Variants in FAM107B observed in about 807,000 individuals in gnomAD.
FAM107B encodes protein FAM107B.
Under a neutral mutation model 31.5 loss-of-function variants are expected in FAM107B, and 21 were observed. The ratio of observed to expected loss-of-function variants is 0.67; its 90% CI spans 0.47 to 0.96. The LOEUF is 0.96. Ranked by LOEUF, FAM107B falls within the 40% of genes least tolerant of loss-of-function variation. The pLI is 0.00. For missense variants in FAM107B, 452 were observed against 377.1 expected (o/e 1.20, Z -1.64); for synonymous variants, 157 against 141.5 (o/e 1.11, Z -0.78).
At chr10:14,655,007 T>C (rs1289130711) in intron 2 of FAM107B, among the ~76,000 whole-genome samples, 1 of 152,182 alleles carries the variant, frequency 6.6e-6, no homozygotes, top group Non-Finnish European at 1.5e-5. Flanking sequence ...GGAAAGAGGT[T>C]GATTTGACTC....
intron 1 of FAM107B, among the ~76,000 whole-genome samples, chr10:14,697,984 G>T (rs1301022351): frequency 6.6e-6 from 1 of 152,110 alleles, no homozygotes; most frequent in Non-Finnish European, 1.5e-5. Context: ...AATTAGCTGG[G>T]CTAGGTGGCA....
intron 1 of FAM107B, among the ~76,000 whole-genome samples, chr10:14,671,872 T>TAAAAAAAA (rs1294969542): frequency 1.2e-4 from 4 of 33,572 alleles, no homozygotes; most frequent in African/African-American, 2.7e-4. Flanking sequence ...CCCTTTTATT[T>TAAAAAAAA]AAAAAAAAAA....
At chr10:14,741,430 C>T (rs1856434393) in intron 1 of FAM107B, among the ~76,000 whole-genome samples, 1 of 152,130 alleles carries the variant, frequency 6.6e-6, no homozygotes, top group Non-Finnish European at 1.5e-5. Context: ...GAGAGAGCAT[C>T]CACTAAGGTC....
intron 1 of FAM107B, among the ~76,000 whole-genome samples, chr10:14,744,497 C>G (rs1208522609): frequency 1.3e-5 from 2 of 152,074 alleles, no homozygotes; most frequent in East Asian, 1.9e-4. Flanking sequence ...ATAAATGGCT[C>G]TTAGTGTTTT....
intron 2 of FAM107B, among the ~76,000 whole-genome samples, chr10:14,609,782 C>A (rs1386041125): frequency 6.6e-6 from 1 of 152,160 alleles, no homozygotes; most frequent in Non-Finnish European, 1.5e-5. Context: ...TGGAGGCTAT[C>A]TTAGAATTCT....
At chr10:14,772,598 A>G (rs533360928) in intron 1 of FAM107B, among the ~76,000 whole-genome samples, 51 of 152,090 alleles carry the variant, frequency 3.4e-4, no homozygotes, top group Middle Eastern at 3.4e-3. Flanking sequence ...TTTGGACCGC[A>G]CAGTCAACTG....
chr10:14,764,413 TG>T (rs1395842704), intron 1 of FAM107B, among the ~76,000 whole-genome samples: 1 of 152,172 alleles, frequency 6.6e-6, no homozygotes, highest in Admixed American at 6.5e-5. Context: ...TCCACTTAAC[TG>T]AACACGAAAC....
At chr10:14,662,262 C>T (rs1472446864) in intron 2 of FAM107B, among the ~76,000 whole-genome samples, 1 of 152,112 alleles carries the variant, frequency 6.6e-6, no homozygotes, top group African/African-American at 2.4e-5. Context: ...CGAACGGAGT[C>T]TTCATTGACT....
At chr10:14,677,716 T>C (rs1467525210) in intron 1 of FAM107B, among the ~76,000 whole-genome samples, 1 of 151,896 alleles carries the variant, frequency 6.6e-6, no homozygotes, top group African/African-American at 2.4e-5. Flanking sequence ...TGACTAACCA[T>C]CTTAACTTGC....
intron 1 of FAM107B, among the ~76,000 whole-genome samples, chr10:14,727,409 T>C (rs1318630017): frequency 2.6e-5 from 4 of 152,212 alleles, no homozygotes; most frequent in African/African-American, 9.7e-5. Context: ...ACCATTACAA[T>C]GTGTTCCAGC....
intron 2 of FAM107B, among the ~76,000 whole-genome samples, chr10:14,547,997 TTC>T (rs1470063993): frequency 2.0e-5 from 3 of 152,202 alleles, no homozygotes; most frequent in African/African-American, 7.2e-5. Context: ...GTTTTCCCAC[TTC>T]CCTCTCTTCA....
At chr10:14,550,186 T>C (rs1849125803) in intron 2 of FAM107B, among the ~76,000 whole-genome samples, 1 of 152,210 alleles carries the variant, frequency 6.6e-6, no homozygotes, top group Non-Finnish European at 1.5e-5. Flanking sequence ...AACAGGATGC[T>C]TTTAAGGATC....
intron 1 of FAM107B, among the ~76,000 whole-genome samples, chr10:14,728,727 T>C (rs1314565156): frequency 6.6e-6 from 1 of 152,190 alleles, no homozygotes; most frequent in African/African-American, 2.4e-5. Context: ...ACTACATACA[T>C]TGACCTCCAG....
chr10:14,707,137 AAAC>A (rs1291047088), intron 1 of FAM107B, among the ~76,000 whole-genome samples: 7 of 152,076 alleles, frequency 4.6e-5, no homozygotes, highest in African/African-American at 1.4e-4. Context: ...GAAAAAAACA[AAAC>A]AACAACAACA....
At chr10:14,630,024 T>C (rs996831217) in intron 2 of FAM107B, among the ~76,000 whole-genome samples, 1 of 152,192 alleles carries the variant, frequency 6.6e-6, no homozygotes, top group African/African-American at 2.4e-5. Context: ...GAACAATATT[T>C]ATCACGTGAA....
chr10:14,604,115 C>G, intron 2 of FAM107B: 1 of 418,178 alleles, frequency 2.4e-6, no homozygotes, highest in Non-Finnish European at 3.2e-6. Context: ...CGCACGGGGA[C>G]CCCCCACCCG....
intron 1 of FAM107B, among the ~76,000 whole-genome samples, chr10:14,691,666 G>T (rs1041181510): frequency 6.6e-6 from 1 of 152,148 alleles, no homozygotes; most frequent in East Asian, 1.9e-4. Flanking sequence ...GGCCAAGGCG[G>T]TTGGATCACT....
In FAM107B at chr10:14,662,855, T is replaced by C. The variant is rs143073764; in HGVS notation, c.469+4779A>G. Among the ~76,000 whole-genome samples, 128 of 152,302 alleles carry C rather than the reference T, an allele frequency of 8.4e-4. 3 individuals carry two copies. In the East Asian group the frequency reaches 0.02, roughly 24 times the overall value. ...GGATTGAAGGATGCAAAGTATTGTT[T>C]CTGGGTGTGTTGGTGAGGGGGTTGC... On this transcript the variant is annotated intron_variant, in intron 2 of 4. Transcript: ENST00000181796.
chr10:14,655,326 G>A (rs1231732432), intron 2 of FAM107B, among the ~76,000 whole-genome samples: 1 of 152,238 alleles, frequency 6.6e-6, no homozygotes, highest in Non-Finnish European at 1.5e-5. Context: ...CATAGCAGTA[G>A]TAAGTAGTCA....
Sources: gnomAD v4.1 joint callset for allele counts (sites outside exome capture counted in the v4.1 genomes callset) on GRCh38, gnomAD v4.1.1 for gene constraint, MANE v1.5 for transcripts, NCBI Gene and HGNC (gene_info 2026-07-23, HGNC 2026-07-21) for gene names.